The following BMAL1 variants were observed in gnomAD, a reference collection of about 807,000 sequenced individuals.
BMAL1 encodes basic helix-loop-helix ARNT like 1, also known as basic helix-loop-helix ARNT-like protein 1.
At chr11:13,373,668 A>G in the BMAL1 span, among the ~76,000 whole-genome samples, 1 of 152,184 alleles carries the variant, frequency 6.6e-6, no homozygotes, top group Non-Finnish European at 1.5e-5. Context: ...CACCATACCC[A>G]GCTCATTGTT....
the BMAL1 span, among the ~76,000 whole-genome samples, chr11:13,350,432 A>G: frequency 6.6e-6 from 1 of 150,912 alleles, no homozygotes; most frequent in Non-Finnish European, 1.5e-5. Flanking sequence ...AGGATAAATC[A>G]GAGAGAATAG....
the BMAL1 span, among the ~76,000 whole-genome samples, chr11:13,370,840 C>T: frequency 6.6e-6 from 1 of 152,180 alleles, no homozygotes; most frequent in Non-Finnish European, 1.5e-5. Flanking sequence ...AGCCCCCGAC[C>T]CTGCCACTAA....
chr11:13,364,498 A>T, the BMAL1 span, among the ~76,000 whole-genome samples: 55 of 152,248 alleles, frequency 3.6e-4, no homozygotes, highest in Admixed American at 3.6e-3. Flanking sequence ...AGAGCAGATT[A>T]AGGACCAGTG....
At chr11:13,365,699 C>A in the BMAL1 span, 2 of 838,548 alleles carry the variant, frequency 2.4e-6, no homozygotes, top group Non-Finnish European at 3.7e-6. Flanking sequence ...GAACTTCTTC[C>A]AGAAAATTCT....
the BMAL1 span, among the ~76,000 whole-genome samples, chr11:13,309,423 G>A: frequency 1.3e-5 from 2 of 152,102 alleles, no homozygotes; most frequent in African/African-American, 4.8e-5. Context: ...CCAGGGGAGT[G>A]TCATTCCAAA....
the BMAL1 span, among the ~76,000 whole-genome samples, chr11:13,282,416 C>A: frequency 6.6e-6 from 1 of 152,148 alleles, no homozygotes; most frequent in African/African-American, 2.4e-5. Flanking sequence ...GTCAGTCTTG[C>A]TGCTCTTCGT....
chr11:13,354,448 A>T, the BMAL1 span: 2 of 1,613,888 alleles, frequency 1.2e-6, no homozygotes, highest in South Asian at 2.2e-5. Flanking sequence ...ACTGACTACC[A>T]GTAAGGCCTT....
At chr11:13,360,076 A>G in the BMAL1 span, among the ~76,000 whole-genome samples, 16 of 152,120 alleles carry the variant, frequency 1.1e-4, no homozygotes, top group Non-Finnish European at 1.5e-4. Flanking sequence ...ACTTCCTTCT[A>G]TTATCTCTTG....
chr11:13,329,417 A>ATGTC, the BMAL1 span, among the ~76,000 whole-genome samples: 1 of 152,210 alleles, frequency 6.6e-6, no homozygotes, highest in Non-Finnish European at 1.5e-5. Context: ...GGCAGGAGCC[A>ATGTC]TGTCACAGGA....
At chr11:13,292,265 C>T in the BMAL1 span, among the ~76,000 whole-genome samples, 11 of 151,952 alleles carry the variant, frequency 7.2e-5, no homozygotes, top group Non-Finnish European at 1.5e-4. Context: ...ATTTAATTGG[C>T]CATCAACGGT....
At chr11:13,333,090 C>G in the BMAL1 span, among the ~76,000 whole-genome samples, 57 of 152,116 alleles carry the variant, frequency 3.7e-4, no homozygotes, top group African/African-American at 1.2e-3. Flanking sequence ...CCTCAGTCTC[C>G]CAAGTAGCTG....
the BMAL1 span, among the ~76,000 whole-genome samples, chr11:13,345,289 A>G: frequency 3.3e-5 from 5 of 152,240 alleles, no homozygotes; most frequent in Admixed American, 1.3e-4. Context: ...GCCATTCAGC[A>G]TAGTATTACT....
the BMAL1 span, chr11:13,380,222 T>C: frequency 6.6e-6 from 1 of 152,202 alleles, no homozygotes; most frequent in Non-Finnish European, 1.5e-5. Context: ...TGAGAATACA[T>C]GATATGTAGT....
chr11:13,321,364 C>T, the BMAL1 span, among the ~76,000 whole-genome samples: 1 of 152,088 alleles, frequency 6.6e-6, no homozygotes, highest in Non-Finnish European at 1.5e-5. Context: ...TCACTTAGTC[C>T]CCAGAATGTC....
the BMAL1 span, among the ~76,000 whole-genome samples, chr11:13,317,891 T>A: frequency 6.6e-6 from 1 of 152,256 alleles, no homozygotes; most frequent in Non-Finnish European, 1.5e-5. Flanking sequence ...CCTGGCTGCA[T>A]CTGGCTTGCA....
chr11:13,371,269 CTT>C, the BMAL1 span, among the ~76,000 whole-genome samples: 3 of 152,028 alleles, frequency 2.0e-5, no homozygotes, highest in South Asian at 2.1e-4. Context: ...CTCTCTCTCT[CTT>C]CTAGTCTGTT....
At chr11:13,371,518 C>T in the BMAL1 span, among the ~76,000 whole-genome samples, 3 of 152,192 alleles carry the variant, frequency 2.0e-5, no homozygotes, top group African/African-American at 7.2e-5. Context: ...AATCAGCCTT[C>T]CTACTTCTGT....
At chr11:13,325,401 CCTTATT>C in the BMAL1 span, among the ~76,000 whole-genome samples, 1 of 152,178 alleles carries the variant, frequency 6.6e-6, no homozygotes, top group African/African-American at 2.4e-5. Context: ...GTACATTTCA[CCTTATT>C]TGATTCTGAT....
chr11:13,379,812 G>A, the BMAL1 span: 1 of 152,214 alleles, frequency 6.6e-6, no homozygotes, highest in Non-Finnish European at 1.5e-5. Context: ...GGCAGGCTTT[G>A]TGTAGGAAGG....
Sources: allele counts gnomAD v4.1 joint callset (sites outside exome capture counted in the v4.1 genomes callset), GRCh38; gene constraint gnomAD v4.1.1; transcripts MANE v1.5; gene names NCBI Gene and HGNC (gene_info 2026-07-23, HGNC 2026-07-21).